PDE1C: variants seen among roughly 807,000 people sequenced by gnomAD.
PDE1C encodes the protein phosphodiesterase 1C.
In PDE1C, 62 loss-of-function variants were observed where a neutral mutation model predicts 93.1. The ratio of observed to expected loss-of-function variants is 0.67; its 90% CI spans 0.54 to 0.82. PDE1C has a LOEUF of 0.82. Among genes scored for constraint, PDE1C ranks in the 40% least tolerant of loss-of-function variants. PDE1C has a pLI of 0.00. For missense variants in PDE1C, 742 were observed against 884.6 expected (o/e 0.84, Z 2.04); for synonymous variants, 325 against 310.1 (o/e 1.05, Z -0.50).
intron 7 of PDE1C, among the ~76,000 whole-genome samples, chr7:31,852,424 A>G (rs985077598): frequency 6.6e-6 from 1 of 152,236 alleles, no homozygotes; most frequent in African/African-American, 2.4e-5. Context: ...AGATGAAAAA[A>G]AGATGGGCAA....
chr7:32,216,455 C>T (rs1806441524), intron 1 of PDE1C, among the ~76,000 whole-genome samples: 1 of 152,178 alleles, frequency 6.6e-6, no homozygotes. Context: ...CCCCAGTGCC[C>T]AAGTGCCTGG....
In PDE1C at chr7:32,160,720, G is replaced by A. The variant is rs113873339; in HGVS notation, c.308+9065C>T. Among the ~76,000 whole-genome samples the A allele has an allele frequency of 1.2e-3, 187 of 152,106 alleles. 1 individual carries two copies. The highest frequency in any genetic ancestry group is 4.3e-3 in the African/African-American group (177 of 41,498). On this transcript the variant is annotated intron_variant, in intron 3 of 18. Transcript: ENST00000396193. ...AGCTGGGCGTGAGGCTGAGGCACGA[G>A]AATCACTTGAACCCAGGAGGCAGAG...
At chr7:32,111,191 T>C (rs1798620661) in intron 3 of PDE1C, among the ~76,000 whole-genome samples, 2 of 152,058 alleles carry the variant, frequency 1.3e-5, no homozygotes, top group Non-Finnish European at 2.9e-5. Flanking sequence ...CCTGCAAAAA[T>C]ATAAGAAAAT....
At chr7:32,206,095 GCACAGAATTCATAATTCTGGA>G (rs1468587301) in intron 2 of PDE1C, among the ~76,000 whole-genome samples, 13 of 152,104 alleles carry the variant, frequency 8.5e-5, no homozygotes, top group South Asian at 6.2e-4. Context: ...GCTCAACGCG[GCACAGAATTCATAATTCTGGA>G]CACAGAATTC....
intron 3 of PDE1C, among the ~76,000 whole-genome samples, chr7:32,112,341 T>G (rs1798686848): frequency 6.6e-6 from 1 of 152,196 alleles, no homozygotes; most frequent in Non-Finnish European, 1.5e-5. Flanking sequence ...AAATTTATTA[T>G]GTGAACGATA....
At chr7:31,673,444 CTCTT>C in the PDE1C span, among the ~76,000 whole-genome samples, 9 of 152,092 alleles carry the variant, frequency 5.9e-5, no homozygotes, top group African/African-American at 1.2e-4. Flanking sequence ...GTGTCTCTCT[CTCTT>C]TAATATTTAA....
chr7:31,969,877 C>T (rs1810655124), intron 2 of PDE1C, among the ~76,000 whole-genome samples: 3 of 152,012 alleles, frequency 2.0e-5, no homozygotes, highest in South Asian at 2.1e-4. Context: ...TCATTCTCAG[C>T]AAACTATCGC....
intron 2 of PDE1C, among the ~76,000 whole-genome samples, chr7:31,895,991 T>TTACATACA (rs6150057): frequency 0.094 from 13,955 of 148,512 alleles, 832 homozygotes; most frequent in Middle Eastern, 0.23. Context: ...ACACTCTCCC[T>TTACATACA]TACATACATA....
the PDE1C span, among the ~76,000 whole-genome samples, chr7:31,737,676 C>A: frequency 2.6e-5 from 4 of 151,700 alleles, no homozygotes; most frequent in Non-Finnish European, 5.9e-5. Flanking sequence ...GTGGTGGGTG[C>A]CTGTAATCCC....
the PDE1C span, among the ~76,000 whole-genome samples, chr7:31,644,216 G>T: frequency 6.6e-6 from 1 of 152,094 alleles, no homozygotes; most frequent in Non-Finnish European, 1.5e-5. Context: ...AAAACTAAGG[G>T]GTAGAGCCAT....
At chr7:32,108,476 A>C (rs773429712) in intron 3 of PDE1C, among the ~76,000 whole-genome samples, 1 of 151,798 alleles carries the variant, frequency 6.6e-6, no homozygotes, top group Non-Finnish European at 1.5e-5. Flanking sequence ...AATAGAAAAA[A>C]ATAAGAAAAT....
At chr7:32,185,756 G>C (rs991601521) in intron 2 of PDE1C, among the ~76,000 whole-genome samples, 1 of 152,030 alleles carries the variant, frequency 6.6e-6, no homozygotes, top group African/African-American at 2.4e-5. Context: ...GTCACATGCG[G>C]CAATTTAAAT....
intron 1 of PDE1C, among the ~76,000 whole-genome samples, chr7:32,228,992 G>A (rs1262167016): frequency 6.6e-6 from 1 of 152,202 alleles, no homozygotes; most frequent in Non-Finnish European, 1.5e-5. Context: ...TGAGACAGCA[G>A]CAGAAGCTGG....
intron 3 of PDE1C, among the ~76,000 whole-genome samples, chr7:32,110,399 C>A (rs1178495162): frequency 6.6e-6 from 1 of 152,122 alleles, no homozygotes; most frequent in Non-Finnish European, 1.5e-5. Context: ...AAAGACCCAC[C>A]CCTATAATTC....
At chr7:31,825,169 C>T (rs971850258) in intron 12 of PDE1C, among the ~76,000 whole-genome samples, 182 bp from the exon 13 acceptor site, 2 of 152,178 alleles carry the variant, frequency 1.3e-5, no homozygotes, top group Admixed American at 6.6e-5. Context: ...TACATAACTT[C>T]CTATGACTTT....
chr7:31,858,093 T>C (rs898494212), intron 7 of PDE1C, among the ~76,000 whole-genome samples: 4 of 152,174 alleles, frequency 2.6e-5, no homozygotes, highest in South Asian at 4.1e-4. Flanking sequence ...CTAAGAGGTA[T>C]GAAGATGCAT....
At chr7:31,788,504 G>A (rs1784241344) in intron 16 of PDE1C, 1 of 152,016 alleles carries the variant, frequency 6.6e-6, no homozygotes, top group Admixed American at 6.6e-5. Flanking sequence ...CTCAAATTCA[G>A]TTGCTGCCTA....
At chr7:31,698,443 C>G in the PDE1C span, among the ~76,000 whole-genome samples, 125 of 152,310 alleles carry the variant, frequency 8.2e-4, no homozygotes, top group Non-Finnish European at 1.5e-3. Flanking sequence ...TTTGACCCCA[C>G]CTGGTCATGC....
At chr7:31,803,543 A>G (rs1172118721) in intron 16 of PDE1C, among the ~76,000 whole-genome samples, 1 of 151,728 alleles carries the variant, frequency 6.6e-6, no homozygotes, top group Non-Finnish European at 1.5e-5. Context: ...TCCTAATGCT[A>G]TCCCTCCCCC....
Sources: gnomAD v4.1 joint callset for allele counts (sites outside exome capture counted in the v4.1 genomes callset) on GRCh38, gnomAD v4.1.1 for gene constraint, MANE v1.5 for transcripts, NCBI Gene and HGNC (gene_info 2026-07-23, HGNC 2026-07-21) for gene names.